The following SYNE1 variants were observed in gnomAD, a reference collection of about 807,000 sequenced individuals.
SYNE1 encodes nesprin-1.
Under a neutral mutation model 1,111.0 loss-of-function variants are expected in SYNE1, and 616 were observed. The ratio of observed to expected loss-of-function variants is 0.55; its 90% CI spans 0.52 to 0.59. The LOEUF is 0.59. Ranked by LOEUF, SYNE1 falls within the 20% of genes least tolerant of loss-of-function variation. SYNE1 has a pLI of 0.00. For synonymous variants in SYNE1, 3,855 were observed against 3,825.8 expected (o/e 1.01, Z -0.28); for missense variants, 10,006 against 10,417.0 (o/e 0.96, Z 1.72).
Position 152,413,488 on chromosome 6 carries a change from CG to C in SYNE1, c.6093del (p.His2031GlnfsTer8). ...FNQLEDELNSHEHELCWLKDK... is the reference protein window; with the variant it reads ...FNQLEDELNSXEHELCWLKDK... ...TCTTTCAACCAACATAGTTCATGCT[CG>C]TGAGAATTCAATTCATCTTCTAGCT... On this transcript the variant is annotated frameshift_variant, in exon 42 of 146. Coordinates refer to ENST00000367255, the MANE Select transcript of SYNE1 (RefSeq NM_182961.4). LOFTEE classifies it high-confidence loss of function. 6.2e-7 allele frequency: 1 copy of C among 1,614,112 alleles called. No individual in the cohort carries two copies. The highest frequency in any genetic ancestry group is 1.1e-5 in the South Asian group (1 of 91,084).
intron 92 of SYNE1, among the ~76,000 whole-genome samples, chr6:152,301,163 A>C (rs1411314150): frequency 1.3e-5 from 2 of 152,166 alleles, no homozygotes. Flanking sequence ...AGTTTCAAAT[A>C]TGGTAGGAAG....
At chr6:152,546,281 AGACATTTACAG>A (rs1443638591) in intron 3 of SYNE1, 1 of 152,216 alleles carries the variant, frequency 6.6e-6, no homozygotes, top group African/African-American at 2.4e-5. Context: ...TATAAATGAA[AGACATTTACAG>A]GACCAGGCTG....
At position 152,166,466 on chromosome 6, in the gene SYNE1, G is replaced by A. The variant is rs537963238; in HGVS notation, c.23628-2141C>T. Reference sequence around the variant, plus strand: ...ATTTGTCAAGTACTAAAATTCATTCGTTTTTTTGGTTCAAAACTCACAAAT... The same window carrying A: ...ATTTGTCAAGTACTAAAATTCATTCATTTTTTTGGTTCAAAACTCACAAAT... On this transcript the variant is annotated intron_variant, in intron 130 of 145. Transcript: ENST00000367255. 9.2e-5 allele frequency among the ~76,000 whole-genome samples: 14 copies of A among 152,154 alleles called. 1 individual carries two copies. The South Asian group carries it at 1.9e-3, about 20-fold the overall frequency.
chr6:152,419,423 GC>G, intron 40 of SYNE1, 145 bp downstream of exon 40: 12 of 889,526 alleles, frequency 1.3e-5, no homozygotes, highest in Middle Eastern at 3.5e-4. Context: ...TAACTCATAT[GC>G]TCAATTATTA....
At chr6:152,364,628 CA>C (rs1293034761) in intron 63 of SYNE1, among the ~76,000 whole-genome samples, 3 of 137,124 alleles carry the variant, frequency 2.2e-5, no homozygotes, top group South Asian at 4.7e-4. Context: ...CAAGAGAAAA[CA>C]GGGGGAAGGA....
chr6:152,266,339 A>G (rs1027684523), intron 100 of SYNE1, among the ~76,000 whole-genome samples: 3 of 152,168 alleles, frequency 2.0e-5, no homozygotes, highest in African/African-American at 7.2e-5. Context: ...AGAGGAAGCA[A>G]TGCTGGATGG....
chr6:152,130,622 C>T (rs1562883500), intron 145 of SYNE1, 98 bp downstream of exon 145: 1 of 1,271,948 alleles, frequency 7.9e-7, no homozygotes, highest in Non-Finnish European at 1.1e-6. Context: ...TCCCAACTAC[C>T]CTGAGGCAGA....
intron 3 of SYNE1, among the ~76,000 whole-genome samples, chr6:152,566,247 G>T (rs1159609303): frequency 1.3e-5 from 2 of 152,066 alleles, no homozygotes; most frequent in Non-Finnish European, 2.9e-5. Context: ...AAGGGATGAC[G>T]CAAGGTAACA....
intron 117 of SYNE1, among the ~76,000 whole-genome samples, chr6:152,223,591 C>A (rs958244537): frequency 1.3e-5 from 2 of 149,288 alleles, no homozygotes; most frequent in Non-Finnish European, 3.0e-5. Context: ...GCACTCCAGT[C>A]TGGGCGACAG....
intron 3 of SYNE1, among the ~76,000 whole-genome samples, chr6:152,578,370 A>T (rs1014170668): frequency 2.6e-5 from 4 of 152,158 alleles, no homozygotes; most frequent in Non-Finnish European, 5.9e-5. Context: ...TGAGGTGGGC[A>T]GGTCACTTGA....
intron 97 of SYNE1, among the ~76,000 whole-genome samples, chr6:152,281,277 A>AT (rs2094011142): frequency 6.6e-6 from 1 of 152,208 alleles, no homozygotes; most frequent in Non-Finnish European, 1.5e-5. Flanking sequence ...CTTTAATGCA[A>AT]TTACTCCTCA....
chr6:152,312,263 G>A (rs977956503), intron 87 of SYNE1, among the ~76,000 whole-genome samples: 2 of 145,926 alleles, frequency 1.4e-5, no homozygotes, highest in South Asian at 2.1e-4. Context: ...AGGCTGGAGT[G>A]CAATGGCGTG....
intron 6 of SYNE1, 106 bp downstream of exon 6, chr6:152,520,353 G>C (rs1330194567): frequency 8.3e-6 from 9 of 1,078,564 alleles, no homozygotes; most frequent in Non-Finnish European, 1.3e-5. Flanking sequence ...AGGCTGTATA[G>C]ATTACATGCC....
chr6:152,317,082 G>A lies in SYNE1; in HGVS notation c.16573-96C>T, dbSNP rs1202518546. 7.1e-6 allele frequency: 10 copies of A among 1,409,818 alleles called. No individual in the cohort carries two copies. In the East Asian group the frequency reaches 2.1e-4, roughly 29 times the overall value. 87.3% of individuals were successfully genotyped at this position (1,409,818 alleles called of 1,614,324 possible). ...CTCTCTTTGGACACAACAGTCTTAG[G>A]GGTTGATCATTATAATACCTATGAT... On this transcript the variant is annotated intron_variant, in intron 86 of 145. Transcript: ENST00000367255.
At chr6:152,430,439 A>G (rs1201837787) in intron 35 of SYNE1, 43 bp downstream of exon 35, 4 of 1,533,022 alleles carry the variant, frequency 2.6e-6, no homozygotes, top group Non-Finnish European at 3.6e-6. Flanking sequence ...CACAAATACA[A>G]TGTGAAATAT....
At chr6:152,294,504 G>A (rs554035479) in intron 93 of SYNE1, among the ~76,000 whole-genome samples, 3 of 152,166 alleles carry the variant, frequency 2.0e-5, no homozygotes, top group South Asian at 2.1e-4. Context: ...AAATGTTGTC[G>A]AATGTATTCA....
chr6:152,434,238 T>C (rs953555314), intron 33 of SYNE1: 9 of 377,500 alleles, frequency 2.4e-5, no homozygotes, highest in African/African-American at 6.2e-5. Context: ...TAGAATCTAA[T>C]TAAACTCTGC....
chr6:152,188,996 T>TAC (rs2071359507), intron 128 of SYNE1, among the ~76,000 whole-genome samples: 1 of 103,074 alleles, frequency 9.7e-6, no homozygotes, highest in African/African-American at 4.3e-5. Flanking sequence ...TATATATATA[T>TAC]ATATATATAT....
intron 66 of SYNE1, among the ~76,000 whole-genome samples, chr6:152,357,591 G>A (rs868212255): frequency 5.3e-5 from 8 of 152,054 alleles, no homozygotes; most frequent in African/African-American, 1.4e-4. Flanking sequence ...GTAAGTTTAT[G>A]GGCCCTTCTT....
Sources: gnomAD v4.1 joint callset for allele counts (sites outside exome capture counted in the v4.1 genomes callset) on GRCh38, gnomAD v4.1.1 for gene constraint, MANE v1.5 for transcripts, NCBI Gene and HGNC (gene_info 2026-07-23, HGNC 2026-07-21) for gene names.